Variants in DCUN1D3 observed in about 807,000 individuals in gnomAD.
DCUN1D3 encodes the protein DCN1-like protein 3.
DCUN1D3 carries 6 observed loss-of-function variants against 24.8 expected under a neutral mutation model. The observed-to-expected ratio is 0.24, with a 90% CI of 0.13 to 0.48. DCUN1D3 has a LOEUF of 0.48. DCUN1D3 is among the 20% of genes least tolerant of loss of function. The pLI is 0.99. For synonymous variants in DCUN1D3, 120 were observed against 144.9 expected (o/e 0.83, Z 1.24); for missense variants, 258 against 379.4 (o/e 0.68, Z 2.66).
chr16:20,866,816 G>T (rs2081764333), intron 1 of DCUN1D3, among the ~76,000 whole-genome samples: 1 of 152,114 alleles, frequency 6.6e-6, no homozygotes, highest in Non-Finnish European at 1.5e-5. Flanking sequence ...TCCAGATCTG[G>T]TAAGTATGGT....
intron 1 of DCUN1D3, among the ~76,000 whole-genome samples, chr16:20,864,585 A>G (rs1436323545): frequency 2.6e-5 from 4 of 152,210 alleles, no homozygotes; most frequent in Admixed American, 1.3e-4. Context: ...CAGTATGGTG[A>G]TTCCTCAAAG....
At chr16:20,889,106 T>C (rs144621674) in intron 1 of DCUN1D3, among the ~76,000 whole-genome samples, 11,826 of 152,056 alleles carry the variant, frequency 0.078, 598 homozygotes, top group Non-Finnish European at 0.12. Flanking sequence ...CACATGCCTG[T>C]AGTCCCAGCT....
intron 1 of DCUN1D3, among the ~76,000 whole-genome samples, chr16:20,862,903 T>C (rs1304900596): frequency 6.6e-6 from 1 of 152,186 alleles, no homozygotes; most frequent in African/African-American, 2.4e-5. Flanking sequence ...AGAGGCCGAT[T>C]CATATGTAGA....
intron 1 of DCUN1D3, among the ~76,000 whole-genome samples, chr16:20,878,049 G>A (rs1345665595): frequency 6.6e-6 from 1 of 152,124 alleles, no homozygotes; most frequent in Non-Finnish European, 1.5e-5. Context: ...CAATCCTTCT[G>A]CCTCAGTCTC....
intron 1 of DCUN1D3, among the ~76,000 whole-genome samples, chr16:20,875,216 AC>A (rs2081808371): frequency 9.0e-6 from 1 of 110,768 alleles, no homozygotes. Context: ...TCATGCACAC[AC>A]ACACACACAC....
At chr16:20,861,424 T>C (rs1402038222) in intron 2 of DCUN1D3, among the ~76,000 whole-genome samples, 1 of 149,034 alleles carries the variant, frequency 6.7e-6, no homozygotes, top group African/African-American at 2.5e-5. Context: ...ACTTACCATA[T>C]TGGTACTCAC....
chr16:20,882,897 A>G (rs1054556437), intron 1 of DCUN1D3, among the ~76,000 whole-genome samples: 2 of 152,202 alleles, frequency 1.3e-5, no homozygotes, highest in Admixed American at 6.5e-5. Context: ...ATTCTGTCTG[A>G]GAATGCCAGT....
chr16:20,882,450 A>G (rs1395687366), intron 1 of DCUN1D3, among the ~76,000 whole-genome samples: 1 of 151,696 alleles, frequency 6.6e-6, no homozygotes, highest in Non-Finnish European at 1.5e-5. Context: ...TTTTTAGTAG[A>G]GACGGGGTAT....
intron 1 of DCUN1D3, among the ~76,000 whole-genome samples, chr16:20,898,542 T>A (rs2152519746): frequency 6.6e-6 from 1 of 152,326 alleles, no homozygotes; most frequent in Middle Eastern, 3.4e-3. Context: ...TCAGTTAAAG[T>A]GAGAACAGTA....
rs190080718 is a variant in DCUN1D3, at chr16:20,861,783, A to C, written c.431+325T>G. On this transcript the variant is annotated intron_variant, in intron 2 of 2. Transcript: ENST00000324344. ...AAAGAAAAAGAAAAAGAAAAAAAAAACCATAGCGTACACATTAGAACCAGA... is the reference window on the plus strand; with the variant it reads ...AAAGAAAAAGAAAAAGAAAAAAAAACCCATAGCGTACACATTAGAACCAGA... Among the ~76,000 whole-genome samples the C allele has an allele frequency of 5.2e-3, 786 of 152,104 alleles. 4 individuals are homozygous for C. Among genetic ancestry groups the C allele is most frequent in the African/African-American group, 0.017 (703 of 41,486 alleles).
intron 1 of DCUN1D3, among the ~76,000 whole-genome samples, chr16:20,870,955 C>T (rs981753710): frequency 3.3e-5 from 5 of 152,168 alleles, no homozygotes; most frequent in African/African-American, 1.2e-4. Flanking sequence ...TCTCAAGGAC[C>T]ACAGGAGCCC....
At chr16:20,865,004 T>C (rs1046023077) in intron 1 of DCUN1D3, among the ~76,000 whole-genome samples, 2 of 151,860 alleles carry the variant, frequency 1.3e-5, no homozygotes, top group African/African-American at 4.8e-5. Flanking sequence ...TGGAGGGTGG[T>C]AGGAGGGAGA....
At chr16:20,867,364 A>G (rs1007018740) in intron 1 of DCUN1D3, among the ~76,000 whole-genome samples, 45 of 152,170 alleles carry the variant, frequency 3.0e-4, no homozygotes, top group African/African-American at 1.1e-3. Context: ...TCGGTGCTCA[A>G]GAAGGATCTC....
rs530436689 is a variant in DCUN1D3, at chr16:20,856,443, T to A, written c.*3443A>T. On this transcript the variant is annotated 3_prime_UTR_variant, in exon 3 of 3. Transcript: ENST00000324344. ...TAATACTGTGTGGCTTAATCCTTTC[T>A]CCCTTTCCAAAAAGACTAGTTTGTG... 5.3e-5 allele frequency: 8 copies of A among 152,372 alleles called. No individual in the cohort carries two copies. Among genetic ancestry groups the A allele is most frequent in the African/African-American group, 1.9e-4 (8 of 41,586 alleles). 9.4% of individuals were successfully genotyped at this position (152,372 alleles called of 1,614,324 possible).
rs933999303 is a variant in DCUN1D3 at position 20,874,790 on chromosome 16, T to C, written c.-105-12147A>G. Among the ~76,000 whole-genome samples, 3 of 152,332 alleles carry C rather than the reference T, an allele frequency of 2.0e-5. No individual in the cohort carries two copies. In the East Asian group the frequency reaches 5.8e-4, roughly 29 times the overall value. ...TTATTTGAATACGTTCTCTGCAGGT[T>C]GAAACTTGAGGCCCCAAGGTTTAGG... On this transcript the variant is annotated intron_variant, in intron 1 of 2. Transcript: ENST00000324344.
At position 20,861,557 on chromosome 16, in the gene DCUN1D3, A is replaced by T. The variant is rs370474166; in HGVS notation, c.431+551T>A. ...ATAAATATCAAGTGAGTGAACTGAC[A>T]TGTAAAGGAGTAAAAGAAAAGAAAG... On this transcript the variant is annotated intron_variant, in intron 2 of 2. Transcript: ENST00000324344. 1.3e-3 allele frequency among the ~76,000 whole-genome samples: 197 copies of T among 152,282 alleles called. No homozygotes were observed. In the South Asian group the frequency reaches 0.04, roughly 31 times the overall value.
intron 1 of DCUN1D3, among the ~76,000 whole-genome samples, chr16:20,891,236 C>A (rs796741091): frequency 7.9e-5 from 12 of 152,258 alleles, no homozygotes; most frequent in African/African-American, 2.9e-4. Flanking sequence ...TCGTGATCCA[C>A]CCACCTCGGC....
At chr16:20,873,727 A>T (rs891948981) in intron 1 of DCUN1D3, among the ~76,000 whole-genome samples, 1 of 152,160 alleles carries the variant, frequency 6.6e-6, no homozygotes. Context: ...GGCTTTAATG[A>T]CTGGACCCAG....
At chr16:20,868,716 A>C (rs1439104599) in intron 1 of DCUN1D3, among the ~76,000 whole-genome samples, 3 of 152,158 alleles carry the variant, frequency 2.0e-5, no homozygotes, top group Admixed American at 1.3e-4. Context: ...AGGTCTGCTC[A>C]CAATAAGTGA....
Sources: allele counts gnomAD v4.1 joint callset (sites outside exome capture counted in the v4.1 genomes callset), GRCh38; gene constraint gnomAD v4.1.1; transcripts MANE v1.5; gene names NCBI Gene and HGNC (gene_info 2026-07-23, HGNC 2026-07-21).